The following MYH3 variants were observed in gnomAD, a reference collection of about 807,000 sequenced individuals.
The protein encoded by MYH3 is myosin-3.
A neutral mutation model predicts 238.0 loss-of-function variants in MYH3; 130 were observed. The ratio of observed to expected loss-of-function variants is 0.55; its 90% confidence interval spans 0.47 to 0.63. The LOEUF is 0.63. Among genes scored for constraint, MYH3 ranks in the 30% least tolerant of loss-of-function variants. The probability of loss-of-function intolerance (pLI) is 0.00; values close to 1 mark genes in which losing one functional copy is unlikely to be tolerated. For synonymous variants in MYH3, 880 were observed against 924.1 expected (o/e 0.95, Z 0.86); for missense variants, 1,853 against 2,374.9 (o/e 0.78, Z 4.57).
At position 10,633,757 on chromosome 17, in the gene MYH3, G is replaced by A. The variant is rs73976873; in HGVS notation, c.4523-42C>T. ...TTCAGTTGCATATGAGCGCCTCTGC[G>A]TGGGTTTCCAGACATGCAAAGCATT... On this transcript the variant is annotated intron_variant, in intron 32 of 40. Transcript: ENST00000583535. The A allele has an allele frequency of 4.0e-3, 6,426 of 1,612,094 alleles. 173 individuals are homozygous for A. The African/African-American group carries it at 0.069, about 17-fold the overall frequency.
At chr17:10,668,132 C>T in the MYH3 span, among the ~76,000 whole-genome samples, 10 of 152,330 alleles carry the variant, frequency 6.6e-5, 1 homozygote, top group South Asian at 6.2e-4. Context: ...CGGCGGCTCA[C>T]GCCTATAATC....
upstream of MYH3, among the ~76,000 whole-genome samples, chr17:10,657,595 C>T (rs560645851): frequency 4.1e-4 from 62 of 152,270 alleles, no homozygotes; most frequent in South Asian, 6.2e-3. Context: ...GGAGGAGTTG[C>T]GGGGGCAGCC....
chr17:10,639,953 T>C, intron 22 of MYH3, 43 bp downstream of exon 22: 1 of 1,577,354 alleles, frequency 6.3e-7, no homozygotes, highest in East Asian at 2.3e-5. Context: ...AATAATCAAA[T>C]CTAGAAGAGT....
chr17:10,663,751 C>T, the MYH3 span, among the ~76,000 whole-genome samples: 1 of 95,538 alleles, frequency 1.0e-5, no homozygotes, highest in Non-Finnish European at 2.6e-5. Context: ...ATTCCAAAAA[C>T]TAACTAACAC....
At chr17:10,648,745 G>T in intron 7 of MYH3, 96 bp from the exon 8 acceptor site, 1 of 1,061,090 alleles carries the variant, frequency 9.4e-7, no homozygotes, top group Non-Finnish European at 1.5e-6. Context: ...GCACGATCTT[G>T]GCTTACTGCA....
rs1567564811 is a variant in MYH3 at position 10,656,545 on chromosome 17, A to AT, written c.-67-398_-67-397insA. On this transcript the variant is annotated intron_variant, in intron 1 of 40. Transcript: ENST00000583535. ...AGAGCAAAATTCTGTCTCAAAAAAA[A>AT]AAAAAAAAAAAAAAAAGACTAATAC... Among the ~76,000 whole-genome samples, 9 of 27,872 alleles carry AT rather than the reference A, an allele frequency of 3.2e-4. 1 individual carries two copies. Among genetic ancestry groups the AT allele is most frequent in the Non-Finnish European group, 2.4e-4 (1 of 4,088 alleles). The allele number at this position is 27,872 out of a possible 152,430, so 18.3% of individuals were successfully genotyped here.
At position 10,643,660 on chromosome 17, in the gene MYH3, C is replaced by A. The variant is rs2074293783; in HGVS notation, c.1411-664G>T. ...AAGTGCTGGGATTACAGGCATGAGG[C>A]ACCATGCCCAGCCGCGGCTATGCAC... On this transcript the variant is annotated intron_variant, in intron 14 of 40. Transcript: ENST00000583535. 2.0e-5 allele frequency among the ~76,000 whole-genome samples: 3 copies of A among 152,188 alleles called. No homozygotes were observed. The South Asian group carries it at 6.2e-4, about 32-fold the overall frequency.
At chr17:10,657,024 G>A (rs6503317) in intron 1 of MYH3, among the ~76,000 whole-genome samples, 96,178 of 151,964 alleles carry the variant, frequency 0.63, 32,254 homozygotes, top group Non-Finnish European at 0.77. Flanking sequence ...CACTTGGAGA[G>A]GAGGACAGGG....
At chr17:10,673,748 C>T in the MYH3 span, 1 of 152,200 alleles carries the variant, frequency 6.6e-6, no homozygotes, top group African/African-American at 2.4e-5. Context: ...GATAAGGCCC[C>T]ACAGGGTAAC....
the MYH3 span, among the ~76,000 whole-genome samples, chr17:10,663,705 A>C: frequency 2.6e-5 from 4 of 152,164 alleles, no homozygotes; most frequent in South Asian, 6.2e-4. Flanking sequence ...ACCTTTCTGT[A>C]ACTTTTGAAT....
chr17:10,666,727 A>T, the MYH3 span, among the ~76,000 whole-genome samples: 2 of 152,168 alleles, frequency 1.3e-5, no homozygotes, highest in Non-Finnish European at 2.9e-5. Flanking sequence ...ACGCCACTGC[A>T]GTCTAGCTCT....
chr17:10,637,727 C>T (rs551694407), intron 28 of MYH3, 82 bp downstream of exon 28: 6 of 1,583,036 alleles, frequency 3.8e-6, no homozygotes, highest in African/African-American at 2.7e-5. Context: ...CCCTCAAACA[C>T]ACCCTGCCCT....
At chr17:10,677,532 T>C in the MYH3 span, 1 of 152,140 alleles carries the variant, frequency 6.6e-6, no homozygotes, top group Non-Finnish European at 1.5e-5. Context: ...TTAAGAACAA[T>C]AAAAGCTATT....
intron 3 of MYH3, among the ~76,000 whole-genome samples, chr17:10,653,223 C>T (rs939897270): frequency 1.3e-5 from 2 of 152,172 alleles, no homozygotes; most frequent in Non-Finnish European, 2.9e-5. Flanking sequence ...GTCAGTAACA[C>T]TGCCTGGACC....
intron 26 of MYH3, 22 bp downstream of exon 26, chr17:10,638,851 G>T: frequency 6.2e-7 from 1 of 1,608,640 alleles, no homozygotes; most frequent in South Asian, 1.1e-5. Context: ...ACATGGAAGA[G>T]AGAAATGCAG....
the MYH3 span, chr17:10,675,124 A>G: frequency 0.99 from 150,270 of 152,384 alleles, 74,097 homozygotes; most frequent in East Asian, 1. Context: ...CCTCCAGCTT[A>G]GGGGTGACTA....
intron 36 of MYH3, among the ~76,000 whole-genome samples, chr17:10,631,033 T>G (rs1380269631): frequency 6.6e-6 from 1 of 152,208 alleles, no homozygotes; most frequent in East Asian, 1.9e-4. Context: ...TAAGCTGGCC[T>G]CCTTTGAAAC....
chr17:10,633,569 G>A (rs776073492), intron 33 of MYH3, 22 bp downstream of exon 33: 41 of 1,611,728 alleles, frequency 2.5e-5, no homozygotes, highest in Non-Finnish European at 3.5e-5. Context: ...ATCTGCGCCT[G>A]AGCCTGCCTC....
chr17:10,642,490 A>C lies in MYH3; in HGVS notation c.1815T>G (p.Thr605=), dbSNP rs1166956593. The change falls in exon 16 of 41, where the codon ACT becomes ACG. Residue 605 remains threonine, a synonymous_variant. Coordinates refer to ENST00000583535, the MANE Select transcript of MYH3 (RefSeq NM_002470.4). This position sits in a 1 kb window ranked among gnomAD's most constrained non-coding sequence, Gnocchi z 5.4. ...LEKNKDPLNE[T]VVGLYQKSSN... Reference sequence around the variant, plus strand: ...AAGACTTCTGGTACAGCCCAACCACAGTCTCGTTCAGAGGGTCCTTGTTCT... The same window carrying C: ...AAGACTTCTGGTACAGCCCAACCACCGTCTCGTTCAGAGGGTCCTTGTTCT... 6.2e-7 allele frequency: 1 copy of C among 1,614,224 alleles called. No homozygotes were observed. Among genetic ancestry groups the C allele is most frequent in the South Asian group, 1.1e-5 (1 of 91,088 alleles).
Sources: gnomAD v4.1 joint callset for allele counts (sites outside exome capture counted in the v4.1 genomes callset) on GRCh38, gnomAD v4.1.1 for gene constraint, Gnocchi (gnomAD v3.1) non-coding constraint, MANE v1.5 for transcripts, NCBI Gene and HGNC (gene_info 2026-07-23, HGNC 2026-07-21) for gene names.